Variants in CALB1 observed in about 807,000 individuals in gnomAD.
The protein encoded by CALB1 is calbindin.
A neutral mutation model predicts 46.7 loss-of-function variants in CALB1; 16 were observed. The observed-to-expected ratio is 0.34, with a 90% CI of 0.23 to 0.52. The LOEUF is 0.52. Among genes scored for constraint, CALB1 ranks in the 20% least tolerant of loss-of-function variants. The pLI is 0.95. For synonymous variants in CALB1, 90 were observed against 112.8 expected, an observed-to-expected ratio of 0.80 and a Z score of 1.28; for missense variants, 224 against 300.3, an observed-to-expected ratio of 0.75 and a Z score of 1.88.
At chr8:90,068,865 C>T (rs1055350364) in intron 5 of CALB1, 133 bp downstream of exon 5, 70 of 609,636 alleles carry the variant, frequency 1.1e-4, no homozygotes, top group African/African-American at 9.6e-4. Flanking sequence ...TTAACAATGT[C>T]GAAGAGTAGG....
intron 2 of CALB1, among the ~76,000 whole-genome samples, chr8:90,079,619 C>T (rs1380192208): frequency 6.6e-6 from 1 of 151,930 alleles, no homozygotes; most frequent in Non-Finnish European, 1.5e-5. Context: ...CTTTCACGAG[C>T]AGACTTGACA....
intron 3 of CALB1, among the ~76,000 whole-genome samples, chr8:90,073,959 C>T (rs1270684984): frequency 6.6e-6 from 1 of 152,108 alleles, no homozygotes; most frequent in Non-Finnish European, 1.5e-5. Context: ...GAATTCCTAA[C>T]TTTTAAAGAC....
chr8:90,076,101 T>A (rs894271184), intron 3 of CALB1, among the ~76,000 whole-genome samples: 1 of 152,084 alleles, frequency 6.6e-6, no homozygotes, highest in South Asian at 2.1e-4. Flanking sequence ...TTTATATGTA[T>A]CTCATTTGTC....
At chr8:90,067,660 A>T (rs543390218) in intron 5 of CALB1, among the ~76,000 whole-genome samples, 9 of 152,266 alleles carry the variant, frequency 5.9e-5, no homozygotes, top group African/African-American at 2.2e-4. Flanking sequence ...TGCTACTCAA[A>T]CTATGTTGAA....
Position 90,059,993 on chromosome 8 carries a change from A to G in CALB1, c.*180T>C. 1 of 503,736 alleles carries G rather than the reference A, an allele frequency of 2.0e-6. No homozygotes were observed. The highest frequency in any genetic ancestry group is 3.5e-6 in the Non-Finnish European group (1 of 283,942). The allele number at this position is 503,736 out of a possible 1,614,324, so 31.2% of individuals were successfully genotyped here. A position where few individuals can be genotyped will look rare whatever the true frequency, so the allele number is the denominator to read the frequency against. The stretch of plus-strand genomic sequence containing the variant: ...TCTTCTTTTCAATCATATGGTTACA[A>G]AAACTGTATATTACAAACAGTATAG... On this transcript the variant is annotated 3_prime_UTR_variant, in exon 11 of 11. Coordinates refer to ENST00000265431, the MANE Select transcript of CALB1 (RefSeq NM_004929.4).
Position 90,060,222 on chromosome 8 carries a change from T to C in CALB1, c.737A>G (p.Lys246Arg). ...KNIMALSDGG[K>R]LYRTDLALIL... is the part of the protein sequence containing the mutation. ...AAGAGCAAGATCCGTTCGGTACAGC[T>C]TCCCTCCATCCGACAAAGCCATTAT... The change falls in exon 11 of 11, where the codon AAG becomes AGG. Residue 246 changes from lysine (K) to arginine (R), a missense_variant. By Grantham distance (26) the Lys-to-Arg change is conservative. Transcript: ENST00000265431. 3 of 1,613,872 alleles carry C rather than the reference T, an allele frequency of 1.9e-6. No homozygotes were observed. Among genetic ancestry groups the C allele is most frequent in the Non-Finnish European group, 2.5e-6 (3 of 1,179,758 alleles).
intron 3 of CALB1, among the ~76,000 whole-genome samples, chr8:90,074,150 T>C (rs549855838): frequency 1.3e-5 from 2 of 152,206 alleles, no homozygotes; most frequent in African/African-American, 4.8e-5. Flanking sequence ...ATTTGACAAA[T>C]TATATAATAA....
intron 3 of CALB1, among the ~76,000 whole-genome samples, chr8:90,075,200 G>A (rs1325491384): frequency 6.6e-6 from 1 of 152,154 alleles, no homozygotes; most frequent in Non-Finnish European, 1.5e-5. Context: ...GAAAGTGTCA[G>A]CTAACTTTGT....
At position 90,078,412 on chromosome 8, in the gene CALB1, C is replaced by A. The variant is rs1814658896; in HGVS notation, c.192G>T (p.Gln64His). ...TTTTTCCATCATCTCTTTGCCCATA[C>A]TGATCCACAAAAGTTTTCATTTCAG... ...LSPEMKTFVD[Q>H]YGQRDDGKIG... Residue 64 changes from glutamine to histidine, a missense_variant, in exon 3 of 11, where the codon CAG becomes CAT. Transcript: ENST00000265431. 6.3e-7 allele frequency: 1 copy of A among 1,595,868 alleles called. No individual in the cohort carries two copies. The highest frequency in any genetic ancestry group is 8.6e-7 in the Non-Finnish European group (1 of 1,168,088).
At chr8:90,063,030 TTTG>T in intron 9 of CALB1, 67 bp downstream of exon 9, 1 of 1,099,486 alleles carries the variant, frequency 9.1e-7, no homozygotes. Context: ...ATACTTAAAT[TTTG>T]TTAAGAGGAT....
Position 90,063,262 on chromosome 8 carries a change from G to A in CALB1, c.546+19C>T, listed in dbSNP as rs1287182869. The A allele has an allele frequency of 3.2e-6, 5 of 1,576,124 alleles. No homozygotes were observed. Among genetic ancestry groups the A allele is most frequent in the Non-Finnish European group, 3.5e-6 (4 of 1,147,564 alleles). On this transcript the variant is annotated intron_variant, in intron 8 of 10. Transcript: ENST00000265431. ...CTTTTCAAGGAAAATATTATTTAAG[G>A]TAGTAAAAAGTTAAGTACCTGGAAT...
At chr8:90,068,864 T>C (rs1377567552) in intron 5 of CALB1, 134 bp downstream of exon 5, 1 of 611,522 alleles carries the variant, frequency 1.6e-6, no homozygotes, top group Admixed American at 3.1e-5. Flanking sequence ...ATTAACAATG[T>C]CGAAGAGTAG....
At chr8:90,065,871 G>T (rs1477171136) in intron 6 of CALB1, 27 bp downstream of exon 6, 45 of 1,449,714 alleles carry the variant, frequency 3.1e-5, no homozygotes, top group African/African-American at 4.2e-5. Context: ...GAGCTCTTGG[G>T]TACAATCTTT....
intron 6 of CALB1, among the ~76,000 whole-genome samples, chr8:90,065,669 A>C (rs1040737568): frequency 6.6e-6 from 1 of 151,890 alleles, no homozygotes; most frequent in Non-Finnish European, 1.5e-5. Context: ...CAGCTCTACA[A>C]GGAAGAAAAT....
rs955098358 is a variant in CALB1 at position 90,069,175 on chromosome 8, C to G, written c.294G>C (p.Lys98Asn). 6.2e-7 allele frequency: 1 copy of G among 1,613,882 alleles called. No homozygotes were observed. The highest frequency in any genetic ancestry group is 1.7e-5 in the Admixed American group (1 of 60,012). ...ATACCTTCATGAATTCCTCACAGGA[C>G]TTCAGCTGCTGGCATCGGAAGAGCA... Reference protein sequence around the residue: ...FLLLFRCQQLKSCEEFMKTWR... With the variant: ...FLLLFRCQQLNSCEEFMKTWR... The change falls in exon 4 of 11, where the codon AAG becomes AAC. Residue 98 changes from lysine (K) to asparagine (N), a missense_variant. Transcript: ENST00000265431.
At chr8:90,063,021 T>C (rs1344447873) in intron 9 of CALB1, 79 bp downstream of exon 9, 6 of 967,818 alleles carry the variant, frequency 6.2e-6, no homozygotes, top group Non-Finnish European at 9.7e-6. Flanking sequence ...CTGTATTTTA[T>C]ACTTAAATTT....
intron 3 of CALB1, among the ~76,000 whole-genome samples, chr8:90,075,092 A>G (rs1355977087): frequency 6.6e-6 from 1 of 152,172 alleles, no homozygotes; most frequent in Non-Finnish European, 1.5e-5. Context: ...TTATTTCTAA[A>G]CTGTATTTGT....
chr8:90,072,798 T>C (rs1350277161), intron 3 of CALB1, among the ~76,000 whole-genome samples: 2 of 152,234 alleles, frequency 1.3e-5, no homozygotes, highest in Non-Finnish European at 2.9e-5. Flanking sequence ...CAATACTTCT[T>C]ATTACAATAT....
chr8:90,082,218 G>T, intron 1 of CALB1, 116 bp from the exon 2 acceptor site: 1 of 872,384 alleles, frequency 1.1e-6, no homozygotes, highest in Non-Finnish European at 1.8e-6. Context: ...TTGCCTGGAC[G>T]TTGATTAACC....
Sources: allele counts gnomAD v4.1 joint callset (sites outside exome capture counted in the v4.1 genomes callset), GRCh38; gene constraint gnomAD v4.1.1; transcripts MANE v1.5; gene names NCBI Gene and HGNC (gene_info 2026-07-23, HGNC 2026-07-21).